The following STX18 variants were observed in gnomAD, a reference collection of about 807,000 sequenced individuals.
STX18 encodes syntaxin-18.
In STX18, 40 loss-of-function variants were observed where a neutral mutation model predicts 50.1. That is an observed-to-expected ratio of 0.80 (90% confidence interval 0.62 to 1.04). The LOEUF (loss-of-function observed/expected upper bound fraction) is 1.04. STX18 is among the 50% of genes least tolerant of loss of function. The pLI is 0.00. For synonymous variants in STX18, 158 were observed against 151.8 expected (o/e 1.04, Z -0.30); for missense variants, 410 against 415.8 (o/e 0.99, Z 0.12).
intron 1 of STX18, among the ~76,000 whole-genome samples, chr4:4,522,758 T>A (rs1221495325): frequency 6.6e-6 from 1 of 152,174 alleles, no homozygotes; most frequent in Non-Finnish European, 1.5e-5. Flanking sequence ...AAATTAATCA[T>A]CAGTAGAAAA....
At chr4:4,456,635 G>A (rs754737466) in intron 5 of STX18, among the ~76,000 whole-genome samples, 10 of 152,234 alleles carry the variant, frequency 6.6e-5, no homozygotes, top group Non-Finnish European at 1.3e-4. Context: ...AGGTAGTGGG[G>A]TTGGAGGGAG....
intron 5 of STX18, 108 bp downstream of exon 5, chr4:4,457,083 G>T: frequency 9.4e-7 from 1 of 1,064,580 alleles, no homozygotes; most frequent in Non-Finnish European, 1.4e-6. Flanking sequence ...ATTTTGCGAA[G>T]AAGTTCAAAC....
intron 1 of STX18, among the ~76,000 whole-genome samples, chr4:4,526,139 C>A (rs960848516): frequency 6.6e-6 from 1 of 152,076 alleles, no homozygotes; most frequent in Non-Finnish European, 1.5e-5. Context: ...CGCTTCTGAG[C>A]CAAAGTAATG....
chr4:4,464,260 G>A (rs1284579288), intron 2 of STX18, among the ~76,000 whole-genome samples: 3 of 152,190 alleles, frequency 2.0e-5, no homozygotes, highest in Non-Finnish European at 4.4e-5. Context: ...GGGAAGAGAC[G>A]AGACAAGACA....
chr4:4,484,932 G>A, intron 1 of STX18, among the ~76,000 whole-genome samples: 1 of 152,248 alleles, frequency 6.6e-6, no homozygotes, highest in East Asian at 1.9e-4. Context: ...AAGAGGAAGG[G>A]AGGAGGGAGA....
chr4:4,499,863 C>CT (rs11404477), intron 1 of STX18, among the ~76,000 whole-genome samples: 34,481 of 148,002 alleles, frequency 0.23, 4,080 homozygotes, highest in East Asian at 0.35. Context: ...TTCAAATCGA[C>CT]TTTTTTTTTT....
At chr4:4,424,953 C>T (rs1725172612) in intron 8 of STX18, among the ~76,000 whole-genome samples, 1 of 152,196 alleles carries the variant, frequency 6.6e-6, no homozygotes, top group Non-Finnish European at 1.5e-5. Flanking sequence ...GCAGCAGTGG[C>T]AGCAGGCAGG....
chr4:4,491,600 C>T lies in STX18; in HGVS notation c.169-19894G>A, dbSNP rs574330909. 1.7e-4 allele frequency among the ~76,000 whole-genome samples: 26 copies of T among 152,074 alleles called. No homozygotes were observed. The East Asian group carries it at 4.4e-3, about 26-fold the overall frequency. On this transcript the variant is annotated intron_variant, in intron 1 of 10. Coordinates refer to ENST00000306200, the MANE Select transcript of STX18 (RefSeq NM_016930.4). Reference sequence around the variant, plus strand: ...CTTTGGGTAAGTAAGACACTGGAAACGATTTATGCTGCCTTTTTTCAAAGC... The same window carrying T: ...CTTTGGGTAAGTAAGACACTGGAAATGATTTATGCTGCCTTTTTTCAAAGC...
At chr4:4,516,073 G>C (rs1312922513) in intron 1 of STX18, among the ~76,000 whole-genome samples, 1 of 151,978 alleles carries the variant, frequency 6.6e-6, no homozygotes, top group Non-Finnish European at 1.5e-5. Context: ...CTTTTAGACT[G>C]TGGTCAATTG....
At chr4:4,459,331 A>T in intron 3 of STX18, 41 bp downstream of exon 3, 1 of 1,430,814 alleles carries the variant, frequency 7.0e-7, no homozygotes, top group Non-Finnish European at 9.8e-7. Context: ...ACTACTTGCT[A>T]TATTCATGGT....
chr4:4,476,018 CCTCTTACTT>C (rs1728158142), intron 1 of STX18: 1 of 152,136 alleles, frequency 6.6e-6, no homozygotes, highest in Non-Finnish European at 1.5e-5. Context: ...CAAGAGAATG[CCTCTTACTT>C]GAGGTGTGTT....
At chr4:4,473,006 C>A (rs1440265546) in intron 1 of STX18, among the ~76,000 whole-genome samples, 1 of 152,146 alleles carries the variant, frequency 6.6e-6, no homozygotes. Flanking sequence ...GATAGCAAAT[C>A]AGGACTGAGA....
chr4:4,496,867 C>T (rs6838568), intron 1 of STX18, among the ~76,000 whole-genome samples: 28,992 of 152,130 alleles, frequency 0.19, 2,993 homozygotes, highest in East Asian at 0.34. Context: ...GAAATAACTA[C>T]ATGATATGCA....
At position 4,490,635 on chromosome 4, in the gene STX18, T is replaced by G. The variant is rs139607997; in HGVS notation, c.169-18929A>C. ...TCTATAAATACATGCATAATTTCTG[T>G]GCCCATAATTGGAAAAGGGCACAGA... On this transcript the variant is annotated intron_variant, in intron 1 of 10. Coordinates refer to ENST00000306200, the MANE Select transcript of STX18 (RefSeq NM_016930.4). 3.7e-3 allele frequency among the ~76,000 whole-genome samples: 557 copies of G among 152,276 alleles called. 3 individuals are homozygous for G. Among genetic ancestry groups the G allele is most frequent in the African/African-American group, 0.013 (541 of 41,580 alleles).
At chr4:4,516,422 T>C (rs544439042) in intron 1 of STX18, among the ~76,000 whole-genome samples, 7 of 152,346 alleles carry the variant, frequency 4.6e-5, no homozygotes, top group African/African-American at 1.7e-4. Context: ...GGTTAATTGC[T>C]ACATCTCGTA....
At chr4:4,428,149 C>T (rs548609230) in intron 7 of STX18, among the ~76,000 whole-genome samples, 2 of 152,338 alleles carry the variant, frequency 1.3e-5, no homozygotes, top group Middle Eastern at 3.4e-3. Flanking sequence ...TGCCTCCCTT[C>T]GTCTGTTGCC....
At position 4,489,378 on chromosome 4, in the gene STX18, C is replaced by T. The variant is rs144378409; in HGVS notation, c.169-17672G>A. 7.0e-3 allele frequency among the ~76,000 whole-genome samples: 925 copies of T among 132,586 alleles called. 12 individuals carry two copies. Among genetic ancestry groups the T allele is most frequent in the African/African-American group, 0.023 (844 of 36,964 alleles). The allele number at this position is 132,586 out of a possible 152,430, so 87.0% of individuals were successfully genotyped here. The stretch of plus-strand genomic sequence containing the variant: ...GCAAGAAACTCAAAGCACTTCAATA[C>T]ACATGCAAAATAATTTTTTTTTTTT... On this transcript the variant is annotated intron_variant, in intron 1 of 10. Coordinates refer to ENST00000306200, the MANE Select transcript of STX18 (RefSeq NM_016930.4).
At chr4:4,510,781 A>G (rs1729965280) in intron 1 of STX18, among the ~76,000 whole-genome samples, 1 of 152,226 alleles carries the variant, frequency 6.6e-6, no homozygotes, top group South Asian at 2.1e-4. Context: ...AGACTGGATA[A>G]AGCAAATGTG....
chr4:4,425,411 T>C (rs1354140903), intron 7 of STX18, 189 bp from the exon 8 acceptor site: 2 of 614,008 alleles, frequency 3.3e-6, no homozygotes, highest in South Asian at 3.9e-5. Flanking sequence ...GAGAAAGTTT[T>C]AAAAAACAGC....
Sources: gnomAD v4.1 joint callset for allele counts (sites outside exome capture counted in the v4.1 genomes callset) on GRCh38, gnomAD v4.1.1 for gene constraint, MANE v1.5 for transcripts, NCBI Gene and HGNC (gene_info 2026-07-23, HGNC 2026-07-21) for gene names.